The following PCDHGB2 variants were observed in gnomAD, a reference collection of about 807,000 sequenced individuals.
PCDHGB2 encodes the protein protocadherin gamma subfamily B, 2.
PCDHGB2 carries 55 observed loss-of-function variants against 59.3 expected under a neutral mutation model. The observed-to-expected ratio is 0.93, with a 90% CI of 0.75 to 1.16. The LOEUF (loss-of-function observed/expected upper bound fraction) is 1.16. Among genes scored for constraint, PCDHGB2 ranks in the 50% most tolerant of loss-of-function variants. PCDHGB2 has a pLI of 0.00. For synonymous variants in PCDHGB2, 516 were observed against 512.0 expected (o/e 1.01, Z -0.11); for missense variants, 1,228 against 1,198.5 (o/e 1.02, Z -0.36).
chr5:141,405,593 C>T (rs1262163993), intron 1 of PCDHGB2: 1 of 579,000 alleles, frequency 1.7e-6, no homozygotes, highest in African/African-American at 1.9e-5. Context: ...TACAGGCCTC[C>T]CAAGTAGAAT....
At chr5:141,452,082 T>C (rs924362905) in intron 1 of PCDHGB2, among the ~76,000 whole-genome samples, 6 of 152,358 alleles carry the variant, frequency 3.9e-5, no homozygotes, top group Admixed American at 6.5e-5. Flanking sequence ...GTTGGCATTA[T>C]ACAGTAAGAA....
chr5:141,423,332 C>G, intron 1 of PCDHGB2: 2 of 1,614,198 alleles, frequency 1.2e-6, no homozygotes, highest in Non-Finnish European at 1.7e-6. Flanking sequence ...GCCGCAGTCT[C>G]CTGCATCTTC....
Position 141,376,584 on chromosome 5 carries a change from T to C in PCDHGB2, c.2421+14028T>C, listed in dbSNP as rs770132968. On this transcript the variant is annotated intron_variant, in intron 1 of 3. Coordinates refer to ENST00000522605, the MANE Select transcript of PCDHGB2 (RefSeq NM_018923.3). Reference sequence around the variant, plus strand: ...CAACTAATCAGACAGGCTCATCAGCTAGATCGGCTGTTATAGAAGCGAACC... The same window carrying C: ...CAACTAATCAGACAGGCTCATCAGCCAGATCGGCTGTTATAGAAGCGAACC... 12 of 1,584,754 alleles carry C rather than the reference T, an allele frequency of 7.6e-6. No individual in the cohort carries two copies. In the East Asian group the frequency reaches 2.2e-4, roughly 30 times the overall value.
At chr5:141,483,648 T>TTGTGTGTGTGTGTG (rs111458813) in intron 1 of PCDHGB2, among the ~76,000 whole-genome samples, 2 of 149,592 alleles carry the variant, frequency 1.3e-5, no homozygotes, top group Non-Finnish European at 3.0e-5. Context: ...GGGTGTGTGT[T>TTGTGTGTGTGTGTG]TGTGTGTGTG....
intron 1 of PCDHGB2, chr5:141,410,998 T>C: frequency 5.8e-6 from 1 of 173,396 alleles, no homozygotes; most frequent in South Asian, 1.4e-4. Context: ...GGATTACTGG[T>C]GCCCCTCACC....
intron 1 of PCDHGB2, chr5:141,422,936 C>T: frequency 6.2e-7 from 1 of 1,614,260 alleles, no homozygotes; most frequent in Non-Finnish European, 8.5e-7. Flanking sequence ...GCCCTCCCCA[C>T]AGACGGCTCC....
At chr5:141,364,829 C>T in intron 1 of PCDHGB2, 2 of 1,614,008 alleles carry the variant, frequency 1.2e-6, no homozygotes, top group Non-Finnish European at 1.7e-6. Context: ...TGTGAACTCT[C>T]TCCGGAGTTA....
chr5:141,388,756 A>G, intron 1 of PCDHGB2: 1 of 1,613,956 alleles, frequency 6.2e-7, no homozygotes, highest in South Asian at 1.1e-5. Flanking sequence ...ACCCAATTTG[A>G]CCTGAACTCT....
At chr5:141,369,706 T>G (rs973435309) in intron 1 of PCDHGB2, among the ~76,000 whole-genome samples, 2 of 152,204 alleles carry the variant, frequency 1.3e-5, no homozygotes, top group Admixed American at 1.3e-4. Context: ...AGCTATGACA[T>G]TATAACTTTT....
rs769679454 is a variant in PCDHGB2 at position 141,374,960 on chromosome 5, T to C, written c.2421+12404T>C. 15 of 1,614,060 alleles carry C rather than the reference T, an allele frequency of 9.3e-6. No homozygotes were observed. In the East Asian group the frequency reaches 1.6e-4, roughly 17 times the overall value. On this transcript the variant is annotated intron_variant, in intron 1 of 3. Coordinates refer to ENST00000522605, the MANE Select transcript of PCDHGB2 (RefSeq NM_018923.3). ...TACAGAAAAGATCTCACAAATTTTC[T>C]GTTTGAATGTTTTGACTGGAGAAAT...
Position 141,371,259 on chromosome 5 carries a change from A to T in PCDHGB2, c.2421+8703A>T, listed in dbSNP as rs767414793. 5 of 1,613,926 alleles carry T rather than the reference A, an allele frequency of 3.1e-6. No individual in the cohort carries two copies. In the African/African-American group the frequency reaches 6.7e-5, roughly 22 times the overall value. ...CTTCATCAATATTGGCAAGGAAGTG[A>T]GACAACTGTTCAAGCTGGACAGTAA... On this transcript the variant is annotated intron_variant, in intron 1 of 3. Transcript: ENST00000522605.
In PCDHGB2 at chr5:141,431,892, A is replaced by G. The variant is rs1456048000; in HGVS notation, c.2422-62915A>G. The G allele has an allele frequency of 2.1e-5, 34 of 1,614,054 alleles. No homozygotes were observed. Among genetic ancestry groups the G allele is most frequent in the Non-Finnish European group, 2.7e-5 (32 of 1,179,972 alleles). ...AATGTAAATGACCAAGATTCTGAGG[A>G]AAACGGACAGGTGATCTGTTTCATC... is the stretch of plus-strand genomic sequence containing the variant. On this transcript the variant is annotated intron_variant, in intron 1 of 3. Transcript: ENST00000522605. The surrounding 1 kb of genome is among the most constrained non-coding windows in gnomAD (Gnocchi z 4.8).
intron 1 of PCDHGB2, among the ~76,000 whole-genome samples, chr5:141,449,708 A>G (rs2098652470): frequency 6.6e-6 from 1 of 151,418 alleles, no homozygotes; most frequent in African/African-American, 2.4e-5. Context: ...CAAACACATT[A>G]TTTTTATATG....
chr5:141,508,725 G>C (rs1447443196), intron 3 of PCDHGB2, among the ~76,000 whole-genome samples: 1 of 151,788 alleles, frequency 6.6e-6, no homozygotes, highest in Non-Finnish European at 1.5e-5. Flanking sequence ...TGTGCAGGGA[G>C]ACTACACCCC....
intron 1 of PCDHGB2, chr5:141,414,617 T>C: frequency 6.2e-7 from 1 of 1,614,002 alleles, no homozygotes; most frequent in Non-Finnish European, 8.5e-7. Flanking sequence ...GTGACAGCGC[T>C]GGACCCGGAC....
intron 1 of PCDHGB2, chr5:141,393,501 G>A (rs754946327): frequency 1.2e-6 from 2 of 1,614,044 alleles, no homozygotes; most frequent in Non-Finnish European, 1.7e-6. Flanking sequence ...GCGCATCCAC[G>A]TGACAGTGTT....
chr5:141,413,865 C>A, intron 1 of PCDHGB2: 2 of 1,613,388 alleles, frequency 1.2e-6, no homozygotes, highest in Non-Finnish European at 1.7e-6. Context: ...CTGGCACTGT[C>A]CTTGTCAGTG....
At chr5:141,424,171 C>A in intron 1 of PCDHGB2, 1 of 226,338 alleles carries the variant, frequency 4.4e-6, no homozygotes, top group Non-Finnish European at 8.0e-6. Flanking sequence ...ATCTATCTAT[C>A]TATACACATG....
Position 141,490,743 on chromosome 5 carries a change from C to T in PCDHGB2, c.2422-4064C>T, listed in dbSNP as rs1011278142. 7.4e-6 allele frequency: 12 copies of T among 1,614,058 alleles called. No homozygotes were observed. The highest frequency in any genetic ancestry group is 1.0e-5 in the Non-Finnish European group (12 of 1,180,038). On this transcript the variant is annotated intron_variant, in intron 1 of 3. Transcript: ENST00000522605. This position sits in a 1 kb window ranked among gnomAD's most constrained non-coding sequence, Gnocchi z 5.4. ...TTGTAGGAAATCAGGTTCAGGGAGC[C>T]CCAGCCTCCTCCTTTGTGTATGTCA...
Sources: gnomAD v4.1 joint callset for allele counts (sites outside exome capture counted in the v4.1 genomes callset) on GRCh38, gnomAD v4.1.1 for gene constraint, Gnocchi (gnomAD v3.1) non-coding constraint, MANE v1.5 for transcripts, NCBI Gene and HGNC (gene_info 2026-07-23, HGNC 2026-07-21) for gene names.